Variants in AAK1 observed in about 807,000 individuals in gnomAD.
The protein encoded by AAK1 is AP2 associated kinase 1.
A neutral mutation model predicts 116.0 loss-of-function variants in AAK1; 37 were observed. That is an observed-to-expected ratio of 0.32 (90% CI 0.25 to 0.42). The LOEUF is 0.42. Among genes scored for constraint, AAK1 ranks in the 10% least tolerant of loss-of-function variants. The probability of loss-of-function intolerance (pLI) is 1.00; values close to 1 mark genes in which losing one functional copy is unlikely to be tolerated. For missense variants in AAK1, 919 were observed against 1,170.6 expected (o/e 0.79, Z 3.14); for synonymous variants, 458 against 439.9 (o/e 1.04, Z -0.51).
At chr2:69,598,142 G>A (rs1673388400) in intron 2 of AAK1, 2 of 1,132,876 alleles carry the variant, frequency 1.8e-6, no homozygotes, top group Non-Finnish European at 1.2e-6. Context: ...ATTCAGGTGG[G>A]TAACTGAGTT....
chr2:69,540,673 T>C (rs2105047602), intron 5 of AAK1, among the ~76,000 whole-genome samples: 1 of 152,340 alleles, frequency 6.6e-6, no homozygotes, highest in South Asian at 2.1e-4. Context: ...ATAGTGTGAC[T>C]ACTTTGGAAA....
At position 69,514,066 on chromosome 2, in the gene AAK1, A is replaced by G. The variant is rs565577825; in HGVS notation, c.1776+405T>C. On this transcript the variant is annotated intron_variant, in intron 13 of 21. Transcript: ENST00000409085. ...AGTAATGTCATCCAAGACAAAGAAT[A>G]AACACAACATGGAGGACCCAGGGCC... 3.6e-4 allele frequency among the ~76,000 whole-genome samples: 55 copies of G among 152,330 alleles called. 2 individuals carry two copies. In the South Asian group the frequency reaches 0.01, roughly 28 times the overall value.
intron 2 of AAK1, among the ~76,000 whole-genome samples, chr2:69,627,572 T>C (rs2105251327): frequency 6.6e-6 from 1 of 152,326 alleles, no homozygotes; most frequent in African/African-American, 2.4e-5. Flanking sequence ...AACTATGTTC[T>C]ATGCTCAAAA....
intron 2 of AAK1, among the ~76,000 whole-genome samples, chr2:69,606,374 C>G (rs1353097111): frequency 6.6e-6 from 1 of 152,216 alleles, no homozygotes; most frequent in Non-Finnish European, 1.5e-5. Flanking sequence ...TTCTCTTGTA[C>G]TACCTGGCAC....
chr2:69,471,272 G>A lies in AAK1; in HGVS notation c.*4597C>T. On this transcript the variant is annotated 3_prime_UTR_variant, in exon 22 of 22. Coordinates refer to ENST00000409085, the MANE Select transcript of AAK1 (RefSeq NM_014911.5). ...TTTGCATAGGTTAGCATTACCCAAG[G>A]AGCCTCCCTATCCCGTATTAGTGAA... 1 of 985,422 alleles carries A rather than the reference G, an allele frequency of 1.0e-6. No homozygotes were observed. The highest frequency in any genetic ancestry group is 1.2e-6 in the Non-Finnish European group (1 of 829,926). 61.0% of individuals were successfully genotyped at this position (985,422 alleles called of 1,614,324 possible).
At chr2:69,622,377 G>GCT (rs1476875046) in intron 2 of AAK1, among the ~76,000 whole-genome samples, 3 of 151,518 alleles carry the variant, frequency 2.0e-5, no homozygotes, top group African/African-American at 7.3e-5. Flanking sequence ...GCCACCCCCT[G>GCT]CTCCACAGCG....
At chr2:69,562,581 G>A (rs1483837125) in intron 2 of AAK1, among the ~76,000 whole-genome samples, 1 of 152,094 alleles carries the variant, frequency 6.6e-6, no homozygotes, top group African/African-American at 2.4e-5. Flanking sequence ...ATGAGATCAT[G>A]GTCTTCAGAC....
At position 69,468,615 on chromosome 2, in the gene AAK1, C is replaced by T; in HGVS notation, c.*7254G>A. On this transcript the variant is annotated 3_prime_UTR_variant, in exon 22 of 22. Transcript: ENST00000409085. ...TCATACAGGTCAATAATCCAATGAA[C>T]ACTAGTTTGAACAGAGTCAGTGTTT... The T allele has an allele frequency of 1.0e-6, 1 of 985,398 alleles. No homozygotes were observed. The highest frequency in any genetic ancestry group is 1.2e-6 in the Non-Finnish European group (1 of 829,928). The allele number at this position is 985,398 out of a possible 1,614,324, so 61.0% of individuals were successfully genotyped here.
At chr2:69,628,815 T>A (rs921458099) in intron 2 of AAK1, among the ~76,000 whole-genome samples, 1 of 152,200 alleles carries the variant, frequency 6.6e-6, no homozygotes, top group Non-Finnish European at 1.5e-5. Context: ...CTTTCAAAAA[T>A]GCTGTGGAGC....
rs1674501681 is a variant in AAK1 at position 69,466,801 on chromosome 2, C to A, written c.*9068G>T. 6.1e-6 allele frequency: 6 copies of A among 985,226 alleles called. No individual in the cohort carries two copies. The highest frequency in any genetic ancestry group is 7.2e-6 in the Non-Finnish European group (6 of 829,876). 61.0% of individuals were successfully genotyped at this position (985,226 alleles called of 1,614,324 possible). On this transcript the variant is annotated 3_prime_UTR_variant, in exon 22 of 22. Transcript: ENST00000409085. ...AAAGGAGATGAAGATGTTAGGCACA[C>A]AGACATTCAGCGTAACTATGCAATG...
At chr2:69,565,786 T>C (rs1188499684) in intron 2 of AAK1, among the ~76,000 whole-genome samples, 1 of 151,916 alleles carries the variant, frequency 6.6e-6, no homozygotes, top group Non-Finnish European at 1.5e-5. Flanking sequence ...GGGTGCACTA[T>C]TCAGGTGGGA....
At chr2:69,497,295 C>CTTTTTTTTTTTTTTTTTT (rs1176401016) in intron 16 of AAK1, among the ~76,000 whole-genome samples, 1 of 76,086 alleles carries the variant, frequency 1.3e-5, no homozygotes, top group Admixed American at 1.9e-4. Flanking sequence ...CATTATCATT[C>CTTTTTTTTTTTTTTTTTT]TTTTTTTTTT....
chr2:69,505,240 A>G (rs1046334638), intron 16 of AAK1, among the ~76,000 whole-genome samples: 2 of 152,180 alleles, frequency 1.3e-5, no homozygotes, highest in Non-Finnish European at 2.9e-5. Flanking sequence ...AATTACAAGC[A>G]ATGAACACTG....
intron 18 of AAK1, 54 bp downstream of exon 18, chr2:69,482,657 T>C: frequency 2.8e-6 from 4 of 1,443,686 alleles, no homozygotes; most frequent in Non-Finnish European, 3.9e-6. Flanking sequence ...TTGTCATTCT[T>C]GAAACAGGCA....
In AAK1 at chr2:69,509,337, G is replaced by T. The variant is rs1321910818; in HGVS notation, c.1900C>A (p.Arg634Ser). The T allele has an allele frequency of 1.9e-6, 3 of 1,613,990 alleles. No homozygotes were observed. Among genetic ancestry groups the T allele is most frequent in the Non-Finnish European group, 2.5e-6 (3 of 1,179,890 alleles). Residue 634 changes from arginine to serine, a missense_variant, in exon 14 of 22, where the codon CGT becomes AGT. By Grantham distance (110) the Arg-to-Ser change is moderately radical. This residue lies in a region of AAK1 where 125 missense variants were observed against 184.1 expected (regional missense o/e 0.68). Transcript: ENST00000409085. Reference sequence around the variant, plus strand: ...CTGTGGGTTACGTCACTGAGAATACGCCTGTGCCCAGCACGTTGGGTTTTG... The same window carrying T: ...CTGTGGGTTACGTCACTGAGAATACTCCTGTGCCCAGCACGTTGGGTTTTG... ...SPKTQRAGHRRILSDVTHSAV... is the reference protein window; with the variant it reads ...SPKTQRAGHRSILSDVTHSAV...
rs1674450835 is a variant in AAK1, at chr2:69,465,302, T to G, written c.*10567A>C. The G allele has an allele frequency of 1.1e-6, 1 of 930,626 alleles. No homozygotes were observed. Among genetic ancestry groups the G allele is most frequent in the Non-Finnish European group, 1.4e-6 (1 of 708,206 alleles). The allele number at this position is 930,626 out of a possible 1,614,324, so 57.6% of individuals were successfully genotyped here. On this transcript the variant is annotated 3_prime_UTR_variant, in exon 22 of 22. Coordinates refer to ENST00000409085, the MANE Select transcript of AAK1 (RefSeq NM_014911.5). ...TTTGTTGACTCAAGAAATTCTGCTCTGACGCAGGGAATTGAAATATAAGAA... is the reference window on the plus strand; with the variant it reads ...TTTGTTGACTCAAGAAATTCTGCTCGGACGCAGGGAATTGAAATATAAGAA...
intron 18 of AAK1, 64 bp from the exon 19 acceptor site, chr2:69,481,025 G>C: frequency 3.1e-6 from 4 of 1,278,166 alleles, no homozygotes; most frequent in South Asian, 1.4e-5. Context: ...GTTTCTTTAG[G>C]AAATTCTGTG....
rs1373806437 is a variant in AAK1 at position 69,468,008 on chromosome 2, CCTTT to C, written c.*7857_*7860del. The C allele has an allele frequency of 1.3e-5, 13 of 985,356 alleles. No individual in the cohort carries two copies. In the East Asian group the frequency reaches 1.0e-3, roughly 77 times the overall value. The allele number at this position is 985,356 out of a possible 1,614,324, so 61.0% of individuals were successfully genotyped here. A position where few individuals can be genotyped will look rare whatever the true frequency, so the allele number is the denominator to read the frequency against. On this transcript the variant is annotated 3_prime_UTR_variant, in exon 22 of 22. Coordinates refer to ENST00000409085, the MANE Select transcript of AAK1 (RefSeq NM_014911.5). ...TGTGTTTGTCCTCCATTTTTATTTT[CCTTT>C]CTAACAGTTTGAATGCGTTCAGTGA... is the stretch of plus-strand genomic sequence containing the variant.
At chr2:69,556,228 C>T (rs1042612860) in intron 3 of AAK1, among the ~76,000 whole-genome samples, 2 of 152,148 alleles carry the variant, frequency 1.3e-5, no homozygotes, top group South Asian at 2.1e-4. Context: ...AGAAAGTCCC[C>T]GTATACCCAT....
Sources: gnomAD v4.1 joint callset for allele counts (sites outside exome capture counted in the v4.1 genomes callset) on GRCh38, gnomAD v4.1.1 for gene constraint, gnomAD v4.1.1 regional missense constraint, MANE v1.5 for transcripts, NCBI Gene and HGNC (gene_info 2026-07-23, HGNC 2026-07-21) for gene names.